VEGFD: variants seen among roughly 807,000 people sequenced by gnomAD.
VEGFD encodes the protein c-fos induced growth factor (vascular endothelial growth factor D).
VEGFD carries 26 observed loss-of-function variants against 28.0 expected under a neutral mutation model. The ratio of observed to expected loss-of-function variants is 0.93; its 90% CI spans 0.68 to 1.29. VEGFD has a LOEUF of 1.29. Among genes scored for constraint, VEGFD ranks in the 50% most tolerant of loss-of-function variants. The probability of loss-of-function intolerance (pLI) is 0.00; values close to 1 mark genes in which losing one functional copy is unlikely to be tolerated. For synonymous variants in VEGFD, 93 were observed against 95.5 expected, an observed-to-expected ratio of 0.97 and a Z score of 0.15; for missense variants, 294 against 273.4, an observed-to-expected ratio of 1.08 and a Z score of -0.53.
rs763794853 is a variant in VEGFD at position 15,384,121 on chromosome X, C to T, written c.-175G>A. 3.3e-5 allele frequency: 13 copies of T among 395,351 alleles called. No individual in the cohort carries two copies. The highest frequency in any genetic ancestry group is 7.7e-5 in the African/African-American group (3 of 39,069). The allele number at this position is 395,351 out of a possible 1,213,427, so 32.6% of individuals were successfully genotyped here. ...GAAATTATTTCAATTAGGCAAGGTA[C>T]GCTTTTTTTGCACAATCTTAGGGGT... On this transcript the variant is annotated 5_prime_UTR_variant, in exon 1 of 7. Transcript: ENST00000297904.
intron 4 of VEGFD, among the ~76,000 whole-genome samples, chrX:15,353,991 C>T (rs1248161556): frequency 6.5e-5 from 7 of 107,061 alleles, no homozygotes; most frequent in African/African-American, 1.4e-4. Context: ...TTTTTTTTGA[C>T]GGAGTCTCCC....
intron 1 of VEGFD, among the ~76,000 whole-genome samples, chrX:15,372,596 A>T (rs1923339348): frequency 9.0e-6 from 1 of 111,063 alleles, no homozygotes; most frequent in Non-Finnish European, 1.9e-5. Context: ...GATTTTTTAA[A>T]AAAAAACTTC....
chrX:15,363,465 A>G, intron 1 of VEGFD, 146 bp from the exon 2 acceptor site: 2 of 495,498 alleles, frequency 4.0e-6, no homozygotes, highest in Non-Finnish European at 6.6e-6. Context: ...AGGAAAAAGG[A>G]TATCTTCTAG....
chrX:15,358,048 C>G lies in VEGFD; in HGVS notation c.447G>C (p.Glu149Asp). 1 of 1,211,710 alleles carries G rather than the reference C, an allele frequency of 8.3e-7. No homozygotes were observed. The highest frequency in any genetic ancestry group is 1.1e-6 in the Non-Finnish European group (1 of 895,441). ...TGCTGGTGTTCATACAGATAAGGCT[C>G]TCTTCATTGCAACAGCCACCACATC... ...VFRCGGCCNE[E>D]SLICMNTSTS... Residue 149 changes from glutamate (E) to aspartate (D), a missense_variant, in exon 3 of 7, where the codon GAG becomes GAC. Glu to Asp is a conservative substitution (Grantham distance 45). Coordinates refer to ENST00000297904, the MANE Select transcript of VEGFD (RefSeq NM_004469.5).
intron 1 of VEGFD, among the ~76,000 whole-genome samples, chrX:15,364,121 C>G (rs933279608): frequency 8.9e-6 from 1 of 111,865 alleles, no homozygotes. Context: ...CCTGGGTAAC[C>G]TGACTACAGT....
chrX:15,353,276 TA>T (rs1922777133), intron 4 of VEGFD, 108 bp from the exon 5 acceptor site: 1 of 344,017 alleles, frequency 2.9e-6, no homozygotes, highest in East Asian at 6.2e-5. Flanking sequence ...TTTTTAAATT[TA>T]TTTTTTGCTT....
chrX:15,348,597 C>G (rs1321413262), intron 5 of VEGFD, among the ~76,000 whole-genome samples: 1 of 112,316 alleles, frequency 8.9e-6, no homozygotes, highest in African/African-American at 3.2e-5. Context: ...TTCTGTTGCC[C>G]TGATATTCCA....
At chrX:15,363,815 G>A (rs932124582) in intron 1 of VEGFD, among the ~76,000 whole-genome samples, 1 of 112,070 alleles carries the variant, frequency 8.9e-6, no homozygotes. Context: ...AGACCGGAGT[G>A]ATGCAGTGAC....
Position 15,358,069 on chromosome X carries a change from A to T in VEGFD, c.426T>A (p.Cys142Ter). 8.3e-7 allele frequency: 1 copy of T among 1,211,729 alleles called. No individual in the cohort carries two copies. The highest frequency in any genetic ancestry group is 1.1e-6 in the Non-Finnish European group (1 of 895,404). ...FKPPCVNVFR[C>*]GGCCNEESLI... ...GGCTCTCTTCATTGCAACAGCCACC[A>T]CATCGGAACACGTTCACACAAGGGG... The change falls in exon 3 of 7, where the codon TGT becomes TGA. Residue 142 changes from cysteine to a stop codon, truncating the protein, a stop_gained. Transcript: ENST00000297904. LOFTEE classifies it high-confidence loss of function.
intron 1 of VEGFD, among the ~76,000 whole-genome samples, chrX:15,369,611 T>C (rs1297666174): frequency 9.0e-6 from 1 of 111,585 alleles, no homozygotes; most frequent in African/African-American, 3.3e-5. Flanking sequence ...TCTAATAAGC[T>C]AAATTTATTA....
At chrX:15,350,414 T>C (rs1922659402) in intron 5 of VEGFD, among the ~76,000 whole-genome samples, 1 of 112,487 alleles carries the variant, frequency 8.9e-6, no homozygotes, top group Non-Finnish European at 1.9e-5. Flanking sequence ...ATAAGCTGCC[T>C]CTCCTAAGGC....
chrX:15,347,139 A>G (rs1007262976), intron 6 of VEGFD, 25 bp downstream of exon 6: 3 of 1,178,984 alleles, frequency 2.5e-6, no homozygotes, highest in Non-Finnish European at 3.4e-6. Flanking sequence ...TCATGAGTAA[A>G]GGCAAGACAA....
In VEGFD at chrX:15,358,201, G is replaced by A. The variant is rs957298145; in HGVS notation, c.302-8C>T. On this transcript the variant is annotated splice_region_variant and splice_polypyrimidine_tract_variant and intron_variant, in intron 2 of 6. Coordinates refer to ENST00000297904, the MANE Select transcript of VEGFD (RefSeq NM_004469.5). The stretch of plus-strand genomic sequence containing the variant: ...GCCATTCTTCATCTATAACTGCAGA[G>A]AGAAAGAAAGCTCACTGGGGCTAGC... 1 of 1,195,471 alleles carries A rather than the reference G, an allele frequency of 8.4e-7. No individual in the cohort carries two copies. The highest frequency in any genetic ancestry group is 1.8e-5 in the African/African-American group (1 of 57,032).
intron 1 of VEGFD, among the ~76,000 whole-genome samples, chrX:15,370,562 G>A (rs961472395): frequency 2.7e-5 from 3 of 111,677 alleles, no homozygotes; most frequent in African/African-American, 9.8e-5. Context: ...TCTTTTTAAA[G>A]TAATAAGCAC....
Position 15,384,152 on chromosome X carries a change from G to A in VEGFD, c.-206C>T. Reference sequence around the variant, plus strand: ...TTTTGCACAATCTTAGGGGTGGGGAGAGAGAGATGAAAAAAATCAAAATGT... The same window carrying A: ...TTTTGCACAATCTTAGGGGTGGGGAAAGAGAGATGAAAAAAATCAAAATGT... On this transcript the variant is annotated 5_prime_UTR_variant, in exon 1 of 7. Transcript: ENST00000297904. The A allele has an allele frequency of 3.2e-6, 1 of 314,784 alleles. No individual in the cohort carries two copies. The highest frequency in any genetic ancestry group is 5.4e-6 in the Non-Finnish European group (1 of 184,580). The allele number at this position is 314,784 out of a possible 1,213,427, so 25.9% of individuals were successfully genotyped here. A position where few individuals can be genotyped will look rare whatever the true frequency, so the allele number is the denominator to read the frequency against.
chrX:15,375,566 C>G (rs1008784518), intron 1 of VEGFD, among the ~76,000 whole-genome samples: 1 of 111,700 alleles, frequency 9.0e-6, no homozygotes, highest in African/African-American at 3.3e-5. Flanking sequence ...ATTTCAGAGG[C>G]CTCATGCTAC....
At position 15,353,241 on chromosome X, in the gene VEGFD, T is replaced by C. The variant is rs1219828357; in HGVS notation, c.642-73A>G. Reference sequence around the variant, plus strand: ...TCAAAACTTTGGAACATTAAATAAATTCCTGAGTAGATAATAGTTAAGATT... The same window carrying C: ...TCAAAACTTTGGAACATTAAATAAACTCCTGAGTAGATAATAGTTAAGATT... On this transcript the variant is annotated intron_variant, in intron 4 of 6. Transcript: ENST00000297904. 1.1e-5 allele frequency: 6 copies of C among 525,563 alleles called. 1 individual carries two copies. The Admixed American group carries it at 2.1e-4, about 19-fold the overall frequency. 43.3% of individuals were successfully genotyped at this position (525,563 alleles called of 1,213,427 possible). A position where few individuals can be genotyped will look rare whatever the true frequency, so the allele number is the denominator to read the frequency against.
At chrX:15,371,643 A>C (rs1923311187) in intron 1 of VEGFD, among the ~76,000 whole-genome samples, 1 of 112,118 alleles carries the variant, frequency 8.9e-6, no homozygotes, top group Non-Finnish European at 1.9e-5. Flanking sequence ...GAAAGGACAG[A>C]AAGTTAGGAG....
intron 3 of VEGFD, among the ~76,000 whole-genome samples, chrX:15,356,481 G>A (rs1381205917): frequency 8.9e-6 from 1 of 112,254 alleles, no homozygotes; most frequent in Non-Finnish European, 1.9e-5. Flanking sequence ...TTAATCATTT[G>A]TTGAGTACAG....
Sources: allele counts gnomAD v4.1 joint callset (sites outside exome capture counted in the v4.1 genomes callset), GRCh38; gene constraint gnomAD v4.1.1; transcripts MANE v1.5; gene names NCBI Gene and HGNC (gene_info 2026-07-23, HGNC 2026-07-21).